The following NXPE2 variants were observed in gnomAD, a reference collection of about 807,000 sequenced individuals.
The protein encoded by NXPE2 is NXPE family member 2.
NXPE2 carries 34 observed loss-of-function variants against 34.4 expected under a neutral mutation model. The ratio of observed to expected loss-of-function variants is 0.99; its 90% confidence interval spans 0.75 to 1.31. The LOEUF is 1.31. NXPE2 is among the 40% of genes most tolerant of loss of function. NXPE2 has a pLI of 0.00. For synonymous variants in NXPE2, 235 were observed against 231.3 expected (o/e 1.02, Z -0.15); for missense variants, 649 against 672.5 (o/e 0.97, Z 0.39).
the NXPE2 span, among the ~76,000 whole-genome samples, chr11:114,545,948 C>A: frequency 6.6e-6 from 1 of 152,188 alleles, no homozygotes; most frequent in East Asian, 1.9e-4. Flanking sequence ...CTCGGCCTCC[C>A]AAAGTGCTGG....
the NXPE2 span, among the ~76,000 whole-genome samples, chr11:114,791,459 G>A: frequency 1.3e-5 from 2 of 152,206 alleles, no homozygotes; most frequent in African/African-American, 4.8e-5. Flanking sequence ...GTCACAGGGT[G>A]CGTACAGAGA....
the NXPE2 span, among the ~76,000 whole-genome samples, chr11:114,634,415 C>T: frequency 6.6e-6 from 1 of 151,934 alleles, no homozygotes; most frequent in Non-Finnish European, 1.5e-5. Context: ...TTGTAGGTTG[C>T]CTGTTCACTC....
At chr11:114,488,098 T>G in the NXPE2 span, among the ~76,000 whole-genome samples, 330 of 152,218 alleles carry the variant, frequency 2.2e-3, 1 homozygote, top group African/African-American at 6.2e-3. Flanking sequence ...CTTTAAACAC[T>G]TGGGAGAATT....
the NXPE2 span, among the ~76,000 whole-genome samples, chr11:114,610,026 G>A: frequency 3.3e-5 from 5 of 151,232 alleles, no homozygotes; most frequent in African/African-American, 4.9e-5. Context: ...ATGTTGCCTC[G>A]TGGGTAGGCA....
chr11:114,760,982 T>C, the NXPE2 span, among the ~76,000 whole-genome samples: 1 of 152,202 alleles, frequency 6.6e-6, no homozygotes. Context: ...AGATGTGTTT[T>C]GTTTCTCATC....
the NXPE2 span, among the ~76,000 whole-genome samples, chr11:114,633,780 G>T: frequency 6.6e-6 from 1 of 151,852 alleles, no homozygotes; most frequent in Non-Finnish European, 1.5e-5. Context: ...CATGTCCCTA[G>T]AAAGGATGTG....
chr11:114,737,669 A>T, the NXPE2 span, among the ~76,000 whole-genome samples: 4 of 152,320 alleles, frequency 2.6e-5, no homozygotes, highest in African/African-American at 9.6e-5. Context: ...TCCATTGAGC[A>T]GTGAACTGGG....
the NXPE2 span, among the ~76,000 whole-genome samples, chr11:114,782,765 A>G: frequency 6.6e-6 from 1 of 152,314 alleles, no homozygotes; most frequent in Non-Finnish European, 1.5e-5. Flanking sequence ...CTTGAATCCA[A>G]CACCTGATTC....
the NXPE2 span, among the ~76,000 whole-genome samples, chr11:114,734,080 G>A: frequency 6.6e-6 from 1 of 152,172 alleles, no homozygotes; most frequent in South Asian, 2.1e-4. Flanking sequence ...AGTTTAAATA[G>A]CACCAGAATT....
the NXPE2 span, among the ~76,000 whole-genome samples, chr11:114,784,313 C>G: frequency 6.6e-6 from 1 of 152,192 alleles, no homozygotes; most frequent in Non-Finnish European, 1.5e-5. Flanking sequence ...GACTTTGGAC[C>G]AGCCCTGCAT....
At chr11:114,611,377 T>C in the NXPE2 span, among the ~76,000 whole-genome samples, 3 of 151,934 alleles carry the variant, frequency 2.0e-5, no homozygotes, top group African/African-American at 7.2e-5. Flanking sequence ...TAATAAGTGT[T>C]GCCTCGTGGG....
chr11:114,686,008 T>G (rs550243413), intron 2 of NXPE2, among the ~76,000 whole-genome samples: 1 of 152,270 alleles, frequency 6.6e-6, no homozygotes, highest in East Asian at 1.9e-4. Context: ...TATATCAGTT[T>G]CAATATGCTG....
chr11:114,603,901 G>A, the NXPE2 span, among the ~76,000 whole-genome samples: 6 of 149,010 alleles, frequency 4.0e-5, no homozygotes, highest in Admixed American at 2.7e-4. Flanking sequence ...GTATTGCCTC[G>A]TCTCCAAGGG....
chr11:114,695,830 A>AACAGACACACACAC (rs564407542), intron 2 of NXPE2, among the ~76,000 whole-genome samples: 334 of 132,536 alleles, frequency 2.5e-3, no homozygotes, highest in Non-Finnish European at 3.9e-3. Context: ...GTCTCTACTA[A>AACAGACACACACAC]ACACACACAC....
At chr11:114,761,088 A>G in the NXPE2 span, among the ~76,000 whole-genome samples, 9 of 152,186 alleles carry the variant, frequency 5.9e-5, no homozygotes, top group Admixed American at 2.0e-4. Context: ...TTGCATCCAC[A>G]CTAAGATCCC....
At chr11:114,630,904 C>A in the NXPE2 span, among the ~76,000 whole-genome samples, 1 of 151,570 alleles carries the variant, frequency 6.6e-6, no homozygotes, top group South Asian at 2.1e-4. Context: ...ATTTATGCAG[C>A]CAAAAAACAC....
At chr11:114,646,511 C>T in the NXPE2 span, among the ~76,000 whole-genome samples, 1 of 151,798 alleles carries the variant, frequency 6.6e-6, no homozygotes, top group African/African-American at 2.4e-5. Context: ...TTTATTAGAA[C>T]AATGTAATTT....
the NXPE2 span, among the ~76,000 whole-genome samples, chr11:114,544,663 T>A: frequency 6.6e-6 from 1 of 152,124 alleles, no homozygotes; most frequent in Non-Finnish European, 1.5e-5. Context: ...CTTGAGCTGT[T>A]GATGAGGTTT....
the NXPE2 span, among the ~76,000 whole-genome samples, chr11:114,630,330 G>C: frequency 2.6e-5 from 4 of 151,680 alleles, no homozygotes; most frequent in African/African-American, 4.9e-5. Flanking sequence ...TAGAGATATA[G>C]ATCAATGGAA....
Sources: gnomAD v4.1 joint callset for allele counts (sites outside exome capture counted in the v4.1 genomes callset) on GRCh38, gnomAD v4.1.1 for gene constraint, MANE v1.5 for transcripts, NCBI Gene and HGNC (gene_info 2026-07-23, HGNC 2026-07-21) for gene names.